The following AOC1 variants were observed in gnomAD, a reference collection of about 807,000 sequenced individuals.
AOC1 encodes the protein diamine oxidase [copper-containing].
A neutral mutation model predicts 57.1 loss-of-function variants in AOC1; 58 were observed. That is an observed-to-expected ratio of 1.02 (90% CI 0.82 to 1.26). The LOEUF (loss-of-function observed/expected upper bound fraction) is 1.26, where lower values mean the gene tolerates loss of function less well. Among genes scored for constraint, AOC1 ranks in the 50% most tolerant of loss-of-function variants. AOC1 has a pLI of 0.00. For synonymous variants in AOC1, 401 were observed against 423.4 expected, an observed-to-expected ratio of 0.95 and a Z score of 0.65; for missense variants, 917 against 1,005.3, an observed-to-expected ratio of 0.91 and a Z score of 1.19.
In AOC1 at chr7:150,852,776, G is replaced by C. The variant is rs1799659223; in HGVS notation, c.-17+218G>C. Among the ~76,000 whole-genome samples, 1 of 152,160 alleles carries C rather than the reference G, an allele frequency of 6.6e-6. No individual in the cohort carries two copies. Among genetic ancestry groups the C allele is most frequent in the Non-Finnish European group, 1.5e-5 (1 of 68,034 alleles). ...GGTGGAGTGGGGAAAGCTCAGAGAG[G>C]AGGGTGAGCAGGGAGAGGGCTTGCT... On this transcript the variant is annotated intron_variant, in intron 1 of 4. Coordinates refer to ENST00000360937, the MANE Select transcript of AOC1 (RefSeq NM_001091.4). This position sits in a 1 kb window ranked among gnomAD's most constrained non-coding sequence, Gnocchi z 4.6.
intron 3 of AOC1, among the ~76,000 whole-genome samples, chr7:150,859,610 G>A (rs1367580087): frequency 6.7e-6 from 1 of 148,826 alleles, no homozygotes; most frequent in Non-Finnish European, 1.5e-5. Flanking sequence ...GGCTGAGGCA[G>A]GAGAATGGCG....
chr7:150,854,728 A>C (rs1799723489), intron 1 of AOC1, among the ~76,000 whole-genome samples: 1 of 152,230 alleles, frequency 6.6e-6, no homozygotes, highest in Non-Finnish European at 1.5e-5. Flanking sequence ...CAAAAACAAA[A>C]GCAAGAAATG....
rs764459563 is a variant in AOC1 at position 150,861,213 on chromosome 7, GCCCCCAGTTCCT to G, written c.*20_*31del. 251 of 1,564,012 alleles carry G rather than the reference GCCCCCAGTTCCT, an allele frequency of 1.6e-4. No homozygotes were observed. The highest frequency in any genetic ancestry group is 2.0e-4 in the Non-Finnish European group (230 of 1,147,976). Reference sequence around the variant, plus strand: ...TGGGACCTATAGACCTGTGTGACCAGCCCCCAGTTCCTCCCCCAGTTCCTCCCAGGAAGCCCA... The same window carrying G: ...TGGGACCTATAGACCTGTGTGACCAGCCCCCAGTTCCTCCCAGGAAGCCCA... On this transcript the variant is annotated 3_prime_UTR_variant, in exon 5 of 5. Coordinates refer to ENST00000360937, the MANE Select transcript of AOC1 (RefSeq NM_001091.4). The surrounding 1 kb of genome is among the most constrained non-coding windows in gnomAD (Gnocchi z 4.5).
Position 150,857,774 on chromosome 7 carries a change from T to G in AOC1, c.1304T>G (p.Phe435Cys). 4 of 1,614,160 alleles carry G rather than the reference T, an allele frequency of 2.5e-6. No homozygotes were observed. The highest frequency in any genetic ancestry group is 2.2e-5 in the South Asian group (2 of 91,074). The change falls in exon 2 of 5, where the codon TTT (phenylalanine) becomes TGT (cysteine). Residue 435 changes from phenylalanine (F) to cysteine (C), a missense_variant. Phe to Cys is a radical substitution (Grantham distance 205). Transcript: ENST00000360937. The surrounding 1 kb of genome is among the most constrained non-coding windows in gnomAD (Gnocchi z 6.6). Reference protein sequence around the residue: ...VPLRRHFNSNFKGGFNFYAGL... With the variant: ...VPLRRHFNSNCKGGFNFYAGL... Reference sequence around the variant, plus strand: ...CTTCGGCGGCACTTTAATTCCAACTTTAAAGGTGGCTTCAACTTCTATGCG... The same window carrying G: ...CTTCGGCGGCACTTTAATTCCAACTGTAAAGGTGGCTTCAACTTCTATGCG...
rs772854889 is a variant in AOC1 at position 150,857,018 on chromosome 7, CCTT to C, written c.550_552del (p.Phe184del). ...CAAGACTGCCATGACAGATGCCTGG[CCTT>C]CACCGATGTGGCCCCCCGGGGTGTG... On this transcript the variant is annotated inframe_deletion, in exon 2 of 5. Transcript: ENST00000360937. This position sits in a 1 kb window ranked among gnomAD's most constrained non-coding sequence, Gnocchi z 6.6. 1 of 1,614,174 alleles carries C rather than the reference CCTT, an allele frequency of 6.2e-7. No individual in the cohort carries two copies. Among genetic ancestry groups the C allele is most frequent in the Non-Finnish European group, 8.5e-7 (1 of 1,179,998 alleles).
Position 150,860,515 on chromosome 7 carries a change from T to A in AOC1, c.1871T>A (p.Val624Glu), listed in dbSNP as rs1799937373. 3 of 1,613,816 alleles carry A rather than the reference T, an allele frequency of 1.9e-6. No homozygotes were observed. Among genetic ancestry groups the A allele is most frequent in the Non-Finnish European group, 2.5e-6 (3 of 1,179,904 alleles). ...AITWARYPLA[V>E]TKYRESELCS... ...GTGCCTGGCAGGTACCCCCTGGCAG[T>A]GACCAAGTACCGGGAGTCGGAGCTG... The change falls in exon 4 of 5, where the codon GTG becomes GAG. Residue 624 changes from valine (V) to glutamate (E), a missense_variant. Coordinates refer to ENST00000360937, the MANE Select transcript of AOC1 (RefSeq NM_001091.4).
intron 1 of AOC1, among the ~76,000 whole-genome samples, chr7:150,855,565 G>C (rs1325083413): frequency 6.6e-6 from 1 of 152,142 alleles, no homozygotes; most frequent in Admixed American, 6.5e-5. Context: ...CCCTCCCTGA[G>C]GTCCCCTCCT....
intron 3 of AOC1, among the ~76,000 whole-genome samples, chr7:150,859,265 C>T (rs1221571505): frequency 2.6e-5 from 4 of 152,106 alleles, no homozygotes; most frequent in Non-Finnish European, 5.9e-5. Flanking sequence ...ACTATGACTC[C>T]CCCACAACGT....
chr7:150,858,641 T>C, intron 2 of AOC1, 122 bp from the exon 3 acceptor site: 1 of 1,096,582 alleles, frequency 9.1e-7, no homozygotes, highest in Non-Finnish European at 1.3e-6. Flanking sequence ...TCCCCCAACA[T>C]CCCGGTTATT....
rs758668673 is a variant in AOC1 at position 150,858,025 on chromosome 7, G to C, written c.1555G>C (p.Asp519His). 6.6e-7 allele frequency: 1 copy of C among 1,520,794 alleles called. No individual in the cohort carries two copies. Among genetic ancestry groups the C allele is most frequent in the Non-Finnish European group, 8.8e-7 (1 of 1,139,888 alleles). The allele number at this position is 1,520,794 out of a possible 1,614,324, so 94.2% of individuals were successfully genotyped here. A position where few individuals can be genotyped will look rare whatever the true frequency, so the allele number is the denominator to read the frequency against. ...IHTHLVHYRV[D>H]LDVAGTKNSF... ...CACTCACTTGGTGCACTACCGCGTA[G>C]ACCTGGATGTGGCAGGTAGGACTCA... is the stretch of plus-strand genomic sequence containing the variant. The change falls in exon 2 of 5, where the codon GAC becomes CAC. Residue 519 changes from aspartate to histidine, a missense_variant. Coordinates refer to ENST00000360937, the MANE Select transcript of AOC1 (RefSeq NM_001091.4).
At chr7:150,860,403 C>A (rs762422484) in intron 3 of AOC1, 98 bp from the exon 4 acceptor site, 5 of 1,579,520 alleles carry the variant, frequency 3.2e-6, no homozygotes, top group Admixed American at 1.7e-5. Flanking sequence ...GGAAGGCAAT[C>A]ATCTTCCTCT....
At chr7:150,858,127 G>A in intron 2 of AOC1, 87 bp downstream of exon 2, 2 of 1,459,728 alleles carry the variant, frequency 1.4e-6, no homozygotes, top group Non-Finnish European at 1.8e-6. Flanking sequence ...ATAACTCCCT[G>A]GTGGTGGAAA....
chr7:150,860,642 C>T lies in AOC1; in HGVS notation c.1989+9C>T, dbSNP rs1799941894. Reference sequence around the variant, plus strand: ...AGAACATTGAAAATGAGGTACTGCCCTGTCCCCAGCCCTGCCCGGTGCTGG... The same window carrying T: ...AGAACATTGAAAATGAGGTACTGCCTTGTCCCCAGCCCTGCCCGGTGCTGG... On this transcript the variant is annotated intron_variant, in intron 4 of 4. Transcript: ENST00000360937. The T allele has an allele frequency of 2.5e-6, 4 of 1,613,130 alleles. No homozygotes were observed. Among genetic ancestry groups the T allele is most frequent in the Non-Finnish European group, 2.5e-6 (3 of 1,179,478 alleles).
upstream of AOC1, chr7:150,852,161 C>G (rs1276257157): frequency 5.9e-5 from 9 of 152,602 alleles, no homozygotes; most frequent in African/African-American, 2.2e-4. This position sits in a 1 kb window ranked among gnomAD's most constrained non-coding sequence, Gnocchi z 4.6. Flanking sequence ...CCTCTATCAG[C>G]CCCTGCCCTG....
intron 1 of AOC1, among the ~76,000 whole-genome samples, chr7:150,854,883 G>A (rs1409531169): frequency 1.3e-5 from 2 of 152,196 alleles, no homozygotes; most frequent in African/African-American, 4.8e-5. Flanking sequence ...CAGGCAGCCT[G>A]GGCCCCCTGG....
chr7:150,856,829 C>G lies in AOC1; in HGVS notation c.359C>G (p.Pro120Arg). The G allele has an allele frequency of 6.2e-7, 1 of 1,614,060 alleles. No individual in the cohort carries two copies. The highest frequency in any genetic ancestry group is 8.5e-7 in the Non-Finnish European group (1 of 1,179,956). ...NVTEFAVGPL[P>R]GPCYMRALSP... ...ACCGAGTTTGCTGTGGGGCCCCTGC[C>G]AGGGCCCTGCTACATGCGAGCACTG... The change falls in exon 2 of 5, where the codon CCA becomes CGA. Residue 120 changes from proline (P) to arginine (R), a missense_variant. Coordinates refer to ENST00000360937, the MANE Select transcript of AOC1 (RefSeq NM_001091.4). The surrounding 1 kb of genome is among the most constrained non-coding windows in gnomAD (Gnocchi z 5.2).
At chr7:150,855,004 T>G (rs528013252) in intron 1 of AOC1, among the ~76,000 whole-genome samples, 1 of 149,882 alleles carries the variant, frequency 6.7e-6, no homozygotes, top group African/African-American at 2.5e-5. Flanking sequence ...CCAGGGCTTC[T>G]GATTTAGGGA....
chr7:150,856,743 G>T lies in AOC1; in HGVS notation c.273G>T (p.Arg91Ser), dbSNP rs200206369. ...TGAGGTTTCTGGATAAAGGTGAAAG[G>T]CATCCTGTGCGGGAAGCCCGTGCCG... ...HVLRFLDKGE[R>S]HPVREARAVI... is the part of the protein sequence containing the mutation. The change falls in exon 2 of 5, where the codon AGG (arginine) becomes AGT (serine). Residue 91 changes from arginine to serine, a missense_variant. Coordinates refer to ENST00000360937, the MANE Select transcript of AOC1 (RefSeq NM_001091.4). This position sits in a 1 kb window ranked among gnomAD's most constrained non-coding sequence, Gnocchi z 5.2. 1.9e-5 allele frequency: 30 copies of T among 1,614,026 alleles called. No individual in the cohort carries two copies. Among genetic ancestry groups the T allele is most frequent in the Non-Finnish European group, 2.3e-5 (27 of 1,179,998 alleles).
intron 3 of AOC1, among the ~76,000 whole-genome samples, chr7:150,859,630 G>A (rs1351679060): frequency 6.7e-6 from 1 of 148,206 alleles, no homozygotes; most frequent in Non-Finnish European, 1.5e-5. Flanking sequence ...GTGAACCCGG[G>A]AGGCGGAGCT....
Sources: allele counts gnomAD v4.1 joint callset (sites outside exome capture counted in the v4.1 genomes callset), GRCh38; gene constraint gnomAD v4.1.1; non-coding constraint Gnocchi (gnomAD v3.1); transcripts MANE v1.5; gene names NCBI Gene and HGNC (gene_info 2026-07-23, HGNC 2026-07-21).